Variants in HOMER1 observed in about 807,000 individuals in gnomAD.
The protein encoded by HOMER1 is homer protein homolog 1.
In HOMER1, 3 loss-of-function variants were observed where a neutral mutation model predicts 48.9. The observed-to-expected ratio is 0.06, with a 90% confidence interval of 0.03 to 0.16. HOMER1 has a LOEUF of 0.16. Ranked by LOEUF, HOMER1 falls within the 10% of genes least tolerant of loss-of-function variation. The probability of loss-of-function intolerance (pLI) is 1.00; values close to 1 mark genes in which losing one functional copy is unlikely to be tolerated. For missense variants in HOMER1, 247 were observed against 411.4 expected (o/e 0.60, Z 3.46); for synonymous variants, 134 against 146.4 (o/e 0.92, Z 0.61).
At chr5:79,417,422 G>C (rs1749976476) in intron 5 of HOMER1, among the ~76,000 whole-genome samples, 2 of 152,292 alleles carry the variant, frequency 1.3e-5, no homozygotes, top group South Asian at 4.1e-4. Context: ...GATTATAGGC[G>C]TGAGCCACCG....
At chr5:79,480,531 A>C (rs1336552297) in intron 1 of HOMER1, among the ~76,000 whole-genome samples, 5 of 152,202 alleles carry the variant, frequency 3.3e-5, no homozygotes, top group Admixed American at 6.5e-5. Context: ...CTCAATGACC[A>C]ACTCAAAATC....
chr5:79,417,191 G>A (rs1295052772), intron 5 of HOMER1, among the ~76,000 whole-genome samples: 1 of 151,074 alleles, frequency 6.6e-6, no homozygotes, highest in African/African-American at 2.4e-5. Context: ...TGCCCAGGCT[G>A]GAGTGCAGTG....
intron 6 of HOMER1, among the ~76,000 whole-genome samples, chr5:79,398,143 G>C (rs1749435135): frequency 6.6e-6 from 1 of 152,052 alleles, no homozygotes; most frequent in Non-Finnish European, 1.5e-5. Flanking sequence ...TGTCTCTTAC[G>C]GGTAAGATAA....
chr5:79,455,131 C>T (rs938963093), intron 2 of HOMER1, among the ~76,000 whole-genome samples: 7 of 150,112 alleles, frequency 4.7e-5, no homozygotes, highest in African/African-American at 1.7e-4. Flanking sequence ...GAGATGGGAA[C>T]TCACTGTGTT....
intron 1 of HOMER1, among the ~76,000 whole-genome samples, chr5:79,504,521 C>G (rs1752694543): frequency 1.3e-5 from 2 of 151,810 alleles, no homozygotes; most frequent in Admixed American, 1.3e-4. Context: ...ACAGACTTAT[C>G]TTCCAGGAAG....
intron 5 of HOMER1, among the ~76,000 whole-genome samples, chr5:79,422,940 A>G (rs1460914443): frequency 6.8e-6 from 1 of 148,144 alleles, no homozygotes; most frequent in Non-Finnish European, 1.5e-5. Flanking sequence ...CTCATTTGTT[A>G]TCACTAACTT....
chr5:79,507,723 A>T (rs1752818647), intron 1 of HOMER1, among the ~76,000 whole-genome samples: 1 of 152,084 alleles, frequency 6.6e-6, no homozygotes, highest in Non-Finnish European at 1.5e-5. Context: ...AAAAAAAAAA[A>T]ATCACATGGC....
intron 6 of HOMER1, among the ~76,000 whole-genome samples, chr5:79,400,182 C>T (rs1053538669): frequency 6.6e-6 from 1 of 151,968 alleles, no homozygotes; most frequent in Admixed American, 6.6e-5. Flanking sequence ...ATTCACATTG[C>T]TGTGAAACAG....
Position 79,451,026 on chromosome 5 carries a change from A to G in HOMER1, c.258T>C (p.Tyr86=). The change falls in exon 3 of 9, where the codon TAT becomes TAC. Residue 86 remains tyrosine (Y), a synonymous_variant. Coordinates refer to ENST00000334082, the MANE Select transcript of HOMER1 (RefSeq NM_004272.5). ...QWADSRANTV[Y]GLGFSSEHHL... ...GATGCTCAGAGGAGAATCCCAATCC[A>G]TAAACGGTGTTTGCCCGGCTATCAG... 2 of 1,614,016 alleles carry G rather than the reference A, an allele frequency of 1.2e-6. No homozygotes were observed. The highest frequency in any genetic ancestry group is 1.7e-6 in the Non-Finnish European group (2 of 1,179,884).
rs1478464438 is a variant in HOMER1, at chr5:79,375,239, TTC to T, written c.*768_*769del. 6.6e-6 allele frequency: 1 copy of T among 152,026 alleles called. No homozygotes were observed. The highest frequency in any genetic ancestry group is 1.5e-5 in the Non-Finnish European group (1 of 67,914). The allele number at this position is 152,026 out of a possible 1,614,324, so 9.4% of individuals were successfully genotyped here. On this transcript the variant is annotated 3_prime_UTR_variant, in exon 9 of 9. Transcript: ENST00000334082. ...TTATTAGAAACTTAAAAAGAAAAAT[TTC>T]TGAGGGACTCAGCTGCCTTCGTTAG...
chr5:79,512,279 T>C (rs932648903), intron 1 of HOMER1, among the ~76,000 whole-genome samples: 1 of 152,214 alleles, frequency 6.6e-6, no homozygotes, highest in East Asian at 1.9e-4. Flanking sequence ...ATTTTAGCTT[T>C]GAATATTCAA....
At chr5:79,503,533 AG>A (rs757611801) in intron 1 of HOMER1, among the ~76,000 whole-genome samples, 1,990 of 42,606 alleles carry the variant, frequency 0.047, 114 homozygotes, top group African/African-American at 0.34. Context: ...TGTCACAAAG[AG>A]AAAAAAAAAA....
intron 5 of HOMER1, among the ~76,000 whole-genome samples, chr5:79,402,979 TAGA>T (rs1322645242): frequency 6.6e-6 from 1 of 152,198 alleles, no homozygotes; most frequent in Non-Finnish European, 1.5e-5. Flanking sequence ...GTGTCATAAA[TAGA>T]AGAAGACTAA....
intron 5 of HOMER1, among the ~76,000 whole-genome samples, chr5:79,411,336 T>G (rs913005479): frequency 1.3e-5 from 2 of 151,870 alleles, no homozygotes; most frequent in African/African-American, 2.4e-5. Flanking sequence ...AATAGAAAAA[T>G]TAGCCGGGCG....
intron 1 of HOMER1, among the ~76,000 whole-genome samples, chr5:79,468,656 T>C (rs987105064): frequency 2.6e-5 from 4 of 152,238 alleles, no homozygotes; most frequent in African/African-American, 9.6e-5. Flanking sequence ...TTTGCACTGT[T>C]ACAAAATAGC....
At position 79,502,915 on chromosome 5, in the gene HOMER1, C is replaced by T. The variant is rs368361637; in HGVS notation, c.5+9855G>A. 2.5e-3 allele frequency among the ~76,000 whole-genome samples: 377 copies of T among 152,244 alleles called. 2 individuals are homozygous for T. The highest frequency in any genetic ancestry group is 4.0e-3 in the Non-Finnish European group (270 of 68,010). On this transcript the variant is annotated intron_variant, in intron 1 of 8. Coordinates refer to ENST00000334082, the MANE Select transcript of HOMER1 (RefSeq NM_004272.5). ...ACGCCATTCTCCTGCCTCAGCCTCC[C>T]GAGTAGCTGTGACTACAGGCGCCCG...
chr5:79,454,656 A>G (rs1163391118), intron 2 of HOMER1, among the ~76,000 whole-genome samples: 1 of 152,232 alleles, frequency 6.6e-6, no homozygotes, highest in African/African-American at 2.4e-5. Context: ...TTAGTTACTT[A>G]TGTACAAGAC....
At chr5:79,488,349 C>G (rs569420675) in intron 1 of HOMER1, among the ~76,000 whole-genome samples, 1 of 152,294 alleles carries the variant, frequency 6.6e-6, no homozygotes, top group Admixed American at 6.5e-5. Flanking sequence ...TACCAGATAC[C>G]CAATCCACTA....
At chr5:79,456,713 C>T (rs1213749012) in intron 2 of HOMER1, 149 bp downstream of exon 2, 1 of 651,856 alleles carries the variant, frequency 1.5e-6, no homozygotes, top group African/African-American at 1.8e-5. Context: ...CATGTTGCTA[C>T]CTTAATAATC....
Sources: gnomAD v4.1 joint callset for allele counts (sites outside exome capture counted in the v4.1 genomes callset) on GRCh38, gnomAD v4.1.1 for gene constraint, MANE v1.5 for transcripts, NCBI Gene and HGNC (gene_info 2026-07-23, HGNC 2026-07-21) for gene names.